The following ACO1 variants were observed in gnomAD, a reference collection of about 807,000 sequenced individuals.
The protein encoded by ACO1 is cytoplasmic aconitate hydratase.
In ACO1, 78 loss-of-function variants were observed where a neutral mutation model predicts 105.1. The observed-to-expected ratio is 0.74, with a 90% confidence interval of 0.62 to 0.90. The LOEUF (loss-of-function observed/expected upper bound fraction) is 0.90, where lower values mean the gene tolerates loss of function less well. Ranked by LOEUF, ACO1 falls within the 40% of genes least tolerant of loss-of-function variation. ACO1 has a pLI of 0.00. For missense variants in ACO1, 965 were observed against 1,111.1 expected (o/e 0.87, Z 1.87); for synonymous variants, 364 against 397.4 (o/e 0.92, Z 1.00).
At chr9:32,410,351 G>A (rs1273071209) in intron 4 of ACO1, among the ~76,000 whole-genome samples, 1 of 152,126 alleles carries the variant, frequency 6.6e-6, no homozygotes, top group Non-Finnish European at 1.5e-5. Context: ...AAGGTCAGGA[G>A]ATCAAGACCA....
At chr9:32,399,110 A>C (rs1821433403) in intron 1 of ACO1, among the ~76,000 whole-genome samples, 1 of 152,114 alleles carries the variant, frequency 6.6e-6, no homozygotes, top group Non-Finnish European at 1.5e-5. Context: ...TCTGTCATTC[A>C]CGTAAAGGGA....
At chr9:32,434,359 A>G (rs1822307092) in intron 16 of ACO1, among the ~76,000 whole-genome samples, 200 bp from the exon 17 acceptor site, 1 of 152,216 alleles carries the variant, frequency 6.6e-6, no homozygotes, top group South Asian at 2.1e-4. Context: ...CTTTTCTTCA[A>G]GAGTAAGATA....
At chr9:32,403,822 C>T (rs921339644) in intron 1 of ACO1, among the ~76,000 whole-genome samples, 4 of 151,940 alleles carry the variant, frequency 2.6e-5, no homozygotes, top group African/African-American at 9.7e-5. Context: ...GAGACTCTGG[C>T]CTCTGTTGAG....
chr9:32,400,518 A>G (rs1437777168), intron 1 of ACO1, among the ~76,000 whole-genome samples: 1 of 152,164 alleles, frequency 6.6e-6, no homozygotes, highest in African/African-American at 2.4e-5. Context: ...CAAAGGACAT[A>G]TTGAGGGGAG....
chr9:32,424,716 G>A, intron 10 of ACO1, 51 bp downstream of exon 10: 1 of 1,266,980 alleles, frequency 7.9e-7, no homozygotes, highest in Non-Finnish European at 1.1e-6. Context: ...CCTCTTGCCT[G>A]GTTACTCAGC....
chr9:32,447,292 C>T lies in ACO1; in HGVS notation c.2371-1604C>T, dbSNP rs568799890. Among the ~76,000 whole-genome samples the T allele has an allele frequency of 2.6e-5, 4 of 152,188 alleles. No individual in the cohort carries two copies. In the East Asian group the frequency reaches 7.7e-4, roughly 29 times the overall value. On this transcript the variant is annotated intron_variant, in intron 19 of 20. Coordinates refer to ENST00000309951, the MANE Select transcript of ACO1 (RefSeq NM_002197.3). Reference sequence around the variant, plus strand: ...TTCACTCTTTTTTCTCTAATCTTTTCTTATTGCTTTATTTCATTGAGTTGA... The same window carrying T: ...TTCACTCTTTTTTCTCTAATCTTTTTTTATTGCTTTATTTCATTGAGTTGA...
At chr9:32,415,752 A>G (rs1001345778) in intron 4 of ACO1, among the ~76,000 whole-genome samples, 7 of 152,128 alleles carry the variant, frequency 4.6e-5, no homozygotes, top group African/African-American at 1.7e-4. Context: ...CTTCTCGAAC[A>G]TGTACACACA....
intron 8 of ACO1, 56 bp from the exon 9 acceptor site, chr9:32,423,263 C>A: frequency 1.9e-6 from 2 of 1,041,218 alleles, no homozygotes; most frequent in Non-Finnish European, 2.8e-6. Flanking sequence ...AGTTTATAAA[C>A]TTCAACCAGG....
intron 19 of ACO1, chr9:32,445,665 T>C: frequency 4.1e-6 from 1 of 241,768 alleles, no homozygotes; most frequent in Non-Finnish European, 8.5e-6. Flanking sequence ...GCTTTTGAGT[T>C]TGTTTGCTCT....
intron 4 of ACO1, among the ~76,000 whole-genome samples, chr9:32,412,642 C>T (rs183715963): frequency 9.5e-4 from 144 of 152,318 alleles, no homozygotes; most frequent in African/African-American, 3.2e-3. Context: ...CTTCCCTTTC[C>T]TTTGGACTCT....
chr9:32,449,687 A>C (rs1231401244), intron 20 of ACO1, among the ~76,000 whole-genome samples: 1 of 152,086 alleles, frequency 6.6e-6, no homozygotes, highest in Non-Finnish European at 1.5e-5. Context: ...AGAAAATACC[A>C]CCCTGATGTC....
chr9:32,443,020 A>G (rs1822516502), intron 19 of ACO1, among the ~76,000 whole-genome samples: 1 of 152,218 alleles, frequency 6.6e-6, no homozygotes, highest in Admixed American at 6.5e-5. Context: ...CTTACAAATA[A>G]TTTAGGTGTG....
chr9:32,394,938 A>G (rs1407548440), intron 1 of ACO1, among the ~76,000 whole-genome samples: 2 of 36,062 alleles, frequency 5.5e-5, no homozygotes, highest in African/African-American at 8.6e-5. Context: ...TCACAGAGGT[A>G]AAGATGGCCC....
At chr9:32,384,916 T>G (rs975876069) in intron 1 of ACO1, among the ~76,000 whole-genome samples, 181 bp downstream of exon 1, 1 of 152,220 alleles carries the variant, frequency 6.6e-6, no homozygotes, top group Non-Finnish European at 1.5e-5. Flanking sequence ...GACTGACGTC[T>G]CCACCCTGTC....
chr9:32,405,674 T>C, intron 2 of ACO1, 71 bp downstream of exon 2: 1 of 1,143,162 alleles, frequency 8.7e-7, no homozygotes. Flanking sequence ...TTAATTACAC[T>C]TGAGGAGAGT....
At chr9:32,408,673 C>T (rs745490001) in intron 4 of ACO1, 22 bp downstream of exon 4, 3 of 1,612,884 alleles carry the variant, frequency 1.9e-6, no homozygotes, top group Non-Finnish European at 2.5e-6. Context: ...AAACGAATAC[C>T]TGAGTGTTCT....
intron 1 of ACO1, among the ~76,000 whole-genome samples, chr9:32,399,966 GTTTTTTTTT>G (rs57615512): frequency 1.4e-5 from 1 of 69,842 alleles, no homozygotes; most frequent in African/African-American, 6.1e-5. Context: ...TTCTTTTTCT[GTTTTTTTTT>G]TTTTTTTTTT....
At chr9:32,422,943 A>G (rs1295236622) in intron 8 of ACO1, among the ~76,000 whole-genome samples, 1 of 152,228 alleles carries the variant, frequency 6.6e-6, no homozygotes, top group Non-Finnish European at 1.5e-5. Context: ...ATCATGTGGA[A>G]TGCTGAATCT....
chr9:32,431,692 T>C lies in ACO1; in HGVS notation c.1727-27T>C, dbSNP rs753244054. ...ATGAAAATTGCATATTAGAAAGTTT[T>C]CTCATTAATAAACATTTTTTCCCCA... is the stretch of plus-strand genomic sequence containing the variant. On this transcript the variant is annotated intron_variant, in intron 14 of 20. Coordinates refer to ENST00000309951, the MANE Select transcript of ACO1 (RefSeq NM_002197.3). 3.5e-5 allele frequency: 56 copies of C among 1,613,010 alleles called. No individual in the cohort carries two copies. The Admixed American group carries it at 9.2e-4, about 26-fold the overall frequency.
Sources: gnomAD v4.1 joint callset for allele counts (sites outside exome capture counted in the v4.1 genomes callset) on GRCh38, gnomAD v4.1.1 for gene constraint, MANE v1.5 for transcripts, NCBI Gene and HGNC (gene_info 2026-07-23, HGNC 2026-07-21) for gene names.